Variants in GUCY2C observed in about 807,000 individuals in gnomAD.
The protein encoded by GUCY2C is guanylate cyclase 2C.
GUCY2C carries 118 observed loss-of-function variants against 131.1 expected under a neutral mutation model. That is an observed-to-expected ratio of 0.90 (90% CI 0.78 to 1.05). The LOEUF (loss-of-function observed/expected upper bound fraction) is 1.05, where lower values mean the gene tolerates loss of function less well. Ranked by LOEUF, GUCY2C falls within the 50% of genes least tolerant of loss-of-function variation. The probability of loss-of-function intolerance (pLI) is 0.00; values close to 1 mark genes in which losing one functional copy is unlikely to be tolerated. For synonymous variants in GUCY2C, 452 were observed against 457.8 expected, an observed-to-expected ratio of 0.99 and a Z score of 0.16; for missense variants, 1,161 against 1,304.4, an observed-to-expected ratio of 0.89 and a Z score of 1.69.
chr12:14,636,199 T>C (rs1347338635), intron 19 of GUCY2C, among the ~76,000 whole-genome samples: 1 of 151,710 alleles, frequency 6.6e-6, no homozygotes, highest in Admixed American at 6.6e-5. Context: ...GCAAAAATCC[T>C]CCAAGAAAAA....
intron 17 of GUCY2C, among the ~76,000 whole-genome samples, chr12:14,642,831 G>A (rs1947436916): frequency 6.6e-6 from 1 of 152,150 alleles, no homozygotes; most frequent in Admixed American, 6.5e-5. Flanking sequence ...TGAAATGGCT[G>A]TGGATGTAGG....
At chr12:14,687,353 C>T (rs1192727017) in intron 2 of GUCY2C, among the ~76,000 whole-genome samples, 1 of 152,190 alleles carries the variant, frequency 6.6e-6, no homozygotes. Flanking sequence ...GGCGCAGTGG[C>T]TCATGCCTGT....
chr12:14,652,429 C>A (rs903808139), intron 13 of GUCY2C, among the ~76,000 whole-genome samples: 3 of 152,140 alleles, frequency 2.0e-5, no homozygotes, highest in Non-Finnish European at 2.9e-5. Flanking sequence ...CCCGCCTCAG[C>A]CTCCCAAAGT....
chr12:14,677,936 A>G (rs1393594783), intron 6 of GUCY2C, among the ~76,000 whole-genome samples: 1 of 151,998 alleles, frequency 6.6e-6, no homozygotes, highest in East Asian at 1.9e-4. Context: ...AGAATCTGGT[A>G]TGTTTGAACT....
chr12:14,677,411 TCTC>T (rs1350462641), intron 6 of GUCY2C, among the ~76,000 whole-genome samples: 1 of 152,212 alleles, frequency 6.6e-6, no homozygotes, highest in African/African-American at 2.4e-5. Flanking sequence ...CTAAACGTCT[TCTC>T]TAACATGGTA....
rs747908669 is a variant in GUCY2C, at chr12:14,639,924, T to C, written c.2095A>G (p.Asn699Asp). The C allele has an allele frequency of 6.2e-6, 10 of 1,610,790 alleles. No homozygotes were observed. The South Asian group carries it at 1.1e-4, about 18-fold the overall frequency. Residue 699 changes from asparagine (N) to aspartate (D), a missense_variant, in exon 19 of 27, where the codon AAT becomes GAT. Coordinates refer to ENST00000261170, the MANE Select transcript of GUCY2C (RefSeq NM_004963.4). Reference sequence around the variant, plus strand: ...TCTGGGCGGAAGGGTTTCATTCCATTGGAATTTTCCACTCTGAAAATCTTC... The same window carrying C: ...TCTGGGCGGAAGGGTTTCATTCCATCGGAATTTTCCACTCTGAAAATCTTC... ...NEKIFRVENS[N>D]GMKPFRPDLF...
At position 14,613,845 on chromosome 12, in the gene GUCY2C, A is replaced by G. The variant is rs149093133; in HGVS notation, c.3048-554T>C. Among the ~76,000 whole-genome samples the G allele has an allele frequency of 6.6e-6, 1 of 152,266 alleles. No individual in the cohort carries two copies. The highest frequency in any genetic ancestry group is 2.4e-5 in the African/African-American group (1 of 41,566). On this transcript the variant is annotated intron_variant, in intron 26 of 26. Transcript: ENST00000261170. The surrounding 1 kb of genome is among the most constrained non-coding windows in gnomAD (Gnocchi z 4.9). ...CTCTGCAAGACAGAGTTTCTCAACC[A>G]TAGCAAAAGCCAAGGAAATGGCCAT...
At chr12:14,675,463 T>G (rs1487152772) in intron 7 of GUCY2C, among the ~76,000 whole-genome samples, 2 of 152,210 alleles carry the variant, frequency 1.3e-5, no homozygotes, top group African/African-American at 4.8e-5. Context: ...TTCTAGTTGA[T>G]TGTTTTTATT....
At position 14,621,192 on chromosome 12, in the gene GUCY2C, T is replaced by C. The variant is rs1946888851; in HGVS notation, c.2626A>G (p.Met876Val). 9 of 1,613,406 alleles carry C rather than the reference T, an allele frequency of 5.6e-6. No individual in the cohort carries two copies. The highest frequency in any genetic ancestry group is 7.6e-6 in the Non-Finnish European group (9 of 1,179,856). ...YKVETIGDAY[M>V]VASGLPKRNG... is the part of the protein sequence containing the mutation. ...CTCTTAGGCAAACCACTAGCCACCA[T>C]GTACGCATCACCGATGGTTTCCACC... The change falls in exon 23 of 27, where the codon ATG becomes GTG. Residue 876 changes from methionine to valine, a missense_variant. Physicochemically the swap from Met to Val is conservative, Grantham distance 21. Transcript: ENST00000261170.
chr12:14,660,002 G>A (rs762476343), intron 11 of GUCY2C, among the ~76,000 whole-genome samples: 8 of 152,146 alleles, frequency 5.3e-5, no homozygotes, highest in Non-Finnish European at 8.8e-5. Context: ...TCACTAAATG[G>A]TCACCACACA....
At chr12:14,684,212 C>G (rs1037802580) in intron 3 of GUCY2C, among the ~76,000 whole-genome samples, 1 of 152,158 alleles carries the variant, frequency 6.6e-6, no homozygotes, top group Non-Finnish European at 1.5e-5. Flanking sequence ...CCATGAACTT[C>G]CAAATATGGT....
chr12:14,644,645 G>T (rs921843706), intron 16 of GUCY2C, among the ~76,000 whole-genome samples: 3 of 151,596 alleles, frequency 2.0e-5, no homozygotes, highest in Admixed American at 2.0e-4. Context: ...TTCCTATCAC[G>T]TCTCAAAATA....
chr12:14,680,868 G>A (rs1465974485), intron 5 of GUCY2C, among the ~76,000 whole-genome samples: 1 of 152,074 alleles, frequency 6.6e-6, no homozygotes, highest in East Asian at 1.9e-4. Flanking sequence ...GTAGATCACT[G>A]GGCAGGTGAG....
At chr12:14,619,451 G>T (rs991229539) in intron 23 of GUCY2C, 142 bp from the exon 24 acceptor site, 2 of 585,900 alleles carry the variant, frequency 3.4e-6, no homozygotes, top group Non-Finnish European at 3.1e-6. Context: ...ATGTGAGCTG[G>T]GACTTTTGGT....
chr12:14,623,786 C>G (rs1386627557), intron 21 of GUCY2C, among the ~76,000 whole-genome samples: 1 of 152,056 alleles, frequency 6.6e-6, no homozygotes, highest in Non-Finnish European at 1.5e-5. Context: ...GGCACCTCCC[C>G]CTTTGCTCTC....
chr12:14,636,796 A>G lies in GUCY2C; in HGVS notation c.2157+3066T>C, dbSNP rs1244710251. On this transcript the variant is annotated intron_variant, in intron 19 of 26. Coordinates refer to ENST00000261170, the MANE Select transcript of GUCY2C (RefSeq NM_004963.4). ...ATTCAGTACAGTTGAAGGATATAAA[A>G]TTAACATACAGGCTGGGTGCGGTGA... Among the ~76,000 whole-genome samples, 3 of 152,148 alleles carry G rather than the reference A, an allele frequency of 2.0e-5. No homozygotes were observed. The East Asian group carries it at 5.8e-4, about 29-fold the overall frequency.
At chr12:14,678,919 G>T (rs1381147184) in intron 6 of GUCY2C, among the ~76,000 whole-genome samples, 2 of 152,140 alleles carry the variant, frequency 1.3e-5, no homozygotes, top group Non-Finnish European at 2.9e-5. Context: ...GTGAACAAAG[G>T]TGCTCTCTAC....
chr12:14,646,511 G>A (rs1157161988), intron 15 of GUCY2C, among the ~76,000 whole-genome samples: 2 of 151,970 alleles, frequency 1.3e-5, no homozygotes, highest in Non-Finnish European at 2.9e-5. Flanking sequence ...ATTGTAAAAA[G>A]CATATTATTC....
At chr12:14,674,154 A>C (rs1048972245) in intron 8 of GUCY2C, 1 of 173,290 alleles carries the variant, frequency 5.8e-6, no homozygotes, top group Non-Finnish European at 1.3e-5. Flanking sequence ...GGAAAGGGCA[A>C]CATTGATCCA....
Sources: allele counts gnomAD v4.1 joint callset (sites outside exome capture counted in the v4.1 genomes callset), GRCh38; gene constraint gnomAD v4.1.1; non-coding constraint Gnocchi (gnomAD v3.1); transcripts MANE v1.5; gene names NCBI Gene and HGNC (gene_info 2026-07-23, HGNC 2026-07-21).